PHF3: variants seen among roughly 807,000 people sequenced by gnomAD.
PHF3 encodes PHD finger protein 3.
A neutral mutation model predicts 178.4 loss-of-function variants in PHF3; 41 were observed. The ratio of observed to expected loss-of-function variants is 0.23; its 90% confidence interval spans 0.18 to 0.30. PHF3 has a LOEUF of 0.30. Ranked by LOEUF, PHF3 falls within the 10% of genes least tolerant of loss-of-function variation. PHF3 has a pLI of 1.00. For synonymous variants in PHF3, 842 were observed against 800.5 expected (o/e 1.05, Z -0.88); for missense variants, 2,346 against 2,398.1 (o/e 0.98, Z 0.45).
chr6:63,638,429 T>A (rs560505334), intron 1 of PHF3, among the ~76,000 whole-genome samples: 1 of 152,276 alleles, frequency 6.6e-6, no homozygotes, highest in East Asian at 1.9e-4. Flanking sequence ...TGGTGTTTGC[T>A]TTTTTGATAC....
chr6:63,689,784 T>A (rs1766915611), intron 4 of PHF3, among the ~76,000 whole-genome samples: 1 of 152,176 alleles, frequency 6.6e-6, no homozygotes. Flanking sequence ...TAATATGTGC[T>A]TTATATTTTG....
At chr6:63,646,973 TTAAAC>T (rs1276049889) in intron 2 of PHF3, among the ~76,000 whole-genome samples, 178 bp downstream of exon 2, 18 of 151,020 alleles carry the variant, frequency 1.2e-4, no homozygotes, top group Non-Finnish European at 4.4e-5. Flanking sequence ...GAATTAAAAT[TTAAAC>T]TAAATTTTCT....
chr6:63,672,674 G>T (rs529564100), intron 2 of PHF3, among the ~76,000 whole-genome samples: 1 of 152,176 alleles, frequency 6.6e-6, no homozygotes, highest in Non-Finnish European at 1.5e-5. Flanking sequence ...AACTAAATAT[G>T]CCTGAGAAGG....
Position 63,712,966 on chromosome 6 carries a change from C to T in PHF3, c.5378C>T (p.Thr1793Ile). 6.2e-7 allele frequency: 1 copy of T among 1,614,026 alleles called. No homozygotes were observed. The highest frequency in any genetic ancestry group is 8.5e-7 in the Non-Finnish European group (1 of 1,179,974). ...TSRSTSPRTS[T>I]NFSPMRPQQP... is the part of the protein sequence containing the mutation. Reference sequence around the variant, plus strand: ...AGAAGCACCAGCCCCAGAACAAGTACAAACTTTTCACCCATGAGGCCACAG... The same window carrying T: ...AGAAGCACCAGCCCCAGAACAAGTATAAACTTTTCACCCATGAGGCCACAG... Residue 1793 changes from threonine (T) to isoleucine (I), a missense_variant, in exon 16 of 16, where the codon ACA becomes ATA. Physicochemically the swap from Thr to Ile is moderately conservative, Grantham distance 89. Transcript: ENST00000262043.
Position 63,702,511 on chromosome 6 carries a change from A to G in PHF3, c.3103A>G (p.Ile1035Val). ...TTAAAAAAGTATTTTCTGTTAGACC[A>G]TAGAAATGATTGAGAAAGAGCAGAG... ...AWRRRENRHT[I>V]EMIEKEQREV... The change falls in exon 10 of 16, where the codon ATA becomes GTA. Residue 1035 changes from isoleucine (I) to valine (V), a missense_variant. By Grantham distance (29) the Ile-to-Val change is conservative. This residue lies in a region of PHF3 where 45 missense variants were observed against 87.9 expected (regional missense o/e 0.51). Coordinates refer to ENST00000262043, the MANE Select transcript of PHF3 (RefSeq NM_001370348.2). 1.2e-6 allele frequency: 2 copies of G among 1,603,264 alleles called. No homozygotes were observed. The highest frequency in any genetic ancestry group is 1.7e-6 in the Non-Finnish European group (2 of 1,172,554).
rs897273559 is a variant in PHF3, at chr6:63,685,174, A to C, written c.1452A>C (p.Lys484Asn). ...QSSSVSYLESKSVKSKHTKPV... is the reference protein window; with the variant it reads ...QSSSVSYLESNSVKSKHTKPV... ...GTAGCGTTTCTTACTTAGAGTCAAA[A>C]AGTGTAAAATCCAAACATACAAAAC... The change falls in exon 4 of 16, where the codon AAA becomes AAC. Residue 484 changes from lysine to asparagine, a missense_variant. Lys to Asn is a moderately conservative substitution (Grantham distance 94). Coordinates refer to ENST00000262043, the MANE Select transcript of PHF3 (RefSeq NM_001370348.2). 1 of 1,613,902 alleles carries C rather than the reference A, an allele frequency of 6.2e-7. No individual in the cohort carries two copies. Among genetic ancestry groups the C allele is most frequent in the Non-Finnish European group, 8.5e-7 (1 of 1,180,022 alleles).
rs774480788 is a variant in PHF3, at chr6:63,684,348, T to C, written c.626T>C (p.Val209Ala). 1 of 1,613,888 alleles carries C rather than the reference T, an allele frequency of 6.2e-7. No individual in the cohort carries two copies. Among genetic ancestry groups the C allele is most frequent in the Non-Finnish European group, 8.5e-7 (1 of 1,179,818 alleles). Residue 209 changes from valine to alanine, a missense_variant, in exon 4 of 16, where the codon GTG becomes GCG. Transcript: ENST00000262043. ...AGCCGAAATAGCGGACAAATTGAAGTGGTACCTGAAGTATCAGTGTCTTCA... is the reference window on the plus strand; with the variant it reads ...AGCCGAAATAGCGGACAAATTGAAGCGGTACCTGAAGTATCAGTGTCTTCA... ...RCSRNSGQIE[V>A]VPEVSVSSSH...
intron 2 of PHF3, among the ~76,000 whole-genome samples, chr6:63,658,761 T>G (rs996757395): frequency 6.9e-6 from 1 of 145,574 alleles, no homozygotes; most frequent in African/African-American, 2.6e-5. Context: ...TGTGTGTTTA[T>G]AACGAGAGAG....
At chr6:63,689,676 C>G (rs1766909603) in intron 4 of PHF3, among the ~76,000 whole-genome samples, 1 of 152,072 alleles carries the variant, frequency 6.6e-6, no homozygotes, top group Non-Finnish European at 1.5e-5. Flanking sequence ...TGAGACATTT[C>G]CAACTTGAAA....
At position 63,712,381 on chromosome 6, in the gene PHF3, A is replaced by G. The variant is rs1266057105; in HGVS notation, c.4793A>G (p.Gln1598Arg). The change falls in exon 16 of 16, where the codon CAG becomes CGG. Residue 1598 changes from glutamine to arginine, a missense_variant. Gln to Arg is a conservative substitution (Grantham distance 43). Transcript: ENST00000262043. ...GAGAAAACATTAAAAAGACAGCTTC[A>G]GGAAGATCAAGAGAATAATTTGCAA... is the stretch of plus-strand genomic sequence containing the variant. ...SKEKTLKRQL[Q>R]EDQENNLQDN... 1 of 1,613,888 alleles carries G rather than the reference A, an allele frequency of 6.2e-7. No individual in the cohort carries two copies. Among genetic ancestry groups the G allele is most frequent in the Non-Finnish European group, 8.5e-7 (1 of 1,179,876 alleles).
intron 8 of PHF3, among the ~76,000 whole-genome samples, chr6:63,699,758 T>A (rs1767392918): frequency 6.6e-6 from 1 of 152,032 alleles, no homozygotes; most frequent in South Asian, 2.1e-4. Flanking sequence ...GCCCAGCTAA[T>A]TTTTGTATTT....
chr6:63,704,038 A>G (rs1767590276), intron 11 of PHF3, among the ~76,000 whole-genome samples: 1 of 152,234 alleles, frequency 6.6e-6, no homozygotes, highest in South Asian at 2.1e-4. Flanking sequence ...TATATATAAC[A>G]TAAGACAAAT....
At chr6:63,646,305 A>G (rs1764782042) in intron 1 of PHF3, among the ~76,000 whole-genome samples, 2 of 152,116 alleles carry the variant, frequency 1.3e-5, no homozygotes, top group South Asian at 4.1e-4. Flanking sequence ...TTTCTGGTAA[A>G]ATGATATACT....
chr6:63,683,737 T>A (rs1317420374), intron 3 of PHF3, among the ~76,000 whole-genome samples: 3 of 152,154 alleles, frequency 2.0e-5, no homozygotes, highest in Non-Finnish European at 2.9e-5. Flanking sequence ...TAGAAATATT[T>A]AATGTTTAAA....
chr6:63,700,155 A>G (rs1184050291), intron 8 of PHF3, among the ~76,000 whole-genome samples, 195 bp from the exon 9 acceptor site: 2 of 152,208 alleles, frequency 1.3e-5, no homozygotes, highest in South Asian at 2.1e-4. Flanking sequence ...TGATTTTTAT[A>G]TGAAATGTGT....
At position 63,725,573 on chromosome 6, in the gene PHF3, A is replaced by G. The variant is rs150738334; in HGVS notation, c.*11865A>G. Among the ~76,000 whole-genome samples, 125 of 152,258 alleles carry G rather than the reference A, an allele frequency of 8.2e-4. No individual in the cohort carries two copies. The highest frequency in any genetic ancestry group is 2.9e-3 in the African/African-American group (122 of 41,574). On this transcript the variant is annotated 3_prime_UTR_variant, in exon 16 of 16. Transcript: ENST00000262043. ...CACAGGGAGATTTAATCATGAATTT[A>G]AAACCAAATATCTCAGGAGAACAAA...
intron 2 of PHF3, among the ~76,000 whole-genome samples, chr6:63,648,699 G>T (rs2149542068): frequency 6.6e-6 from 1 of 152,180 alleles, no homozygotes; most frequent in East Asian, 1.9e-4. Context: ...TTGTGATTCT[G>T]TTATCTTTTA....
chr6:63,641,948 C>CT (rs1320871065), intron 1 of PHF3, among the ~76,000 whole-genome samples: 1 of 151,888 alleles, frequency 6.6e-6, no homozygotes, highest in East Asian at 1.9e-4. Flanking sequence ...TTTTTTTTTG[C>CT]TGTTGACACT....
At chr6:63,670,570 G>A (rs191045735) in intron 2 of PHF3, among the ~76,000 whole-genome samples, 6 of 152,342 alleles carry the variant, frequency 3.9e-5, no homozygotes, top group African/African-American at 7.2e-5. Flanking sequence ...ACAGGCATGA[G>A]CCACCGTGCC....
Sources: gnomAD v4.1 joint callset for allele counts (sites outside exome capture counted in the v4.1 genomes callset) on GRCh38, gnomAD v4.1.1 for gene constraint, gnomAD v4.1.1 regional missense constraint, MANE v1.5 for transcripts, NCBI Gene and HGNC (gene_info 2026-07-23, HGNC 2026-07-21) for gene names.